BRINP1: variants seen among roughly 807,000 people sequenced by gnomAD.
BRINP1 encodes the protein BMP/retinoic acid inducible neural specific 1.
A neutral mutation model predicts 72.9 loss-of-function variants in BRINP1; 17 were observed. That is an observed-to-expected ratio of 0.23 (90% CI 0.16 to 0.35). The LOEUF (loss-of-function observed/expected upper bound fraction) is 0.35, where lower values mean the gene tolerates loss of function less well. Among genes scored for constraint, BRINP1 ranks in the 10% least tolerant of loss-of-function variants. The pLI is 1.00. For synonymous variants in BRINP1, 418 were observed against 378.5 expected (o/e 1.10, Z -1.21); for missense variants, 850 against 1,001.6 (o/e 0.85, Z 2.04).
intron 2 of BRINP1, among the ~76,000 whole-genome samples, chr9:119,250,019 A>G (rs1353782198): frequency 2.5e-5 from 3 of 121,042 alleles, no homozygotes; most frequent in African/African-American, 9.4e-5. Context: ...AAAGGGAGGG[A>G]GGGAAGGAGG....
chr9:119,207,711 G>C (rs1190491391), intron 7 of BRINP1, among the ~76,000 whole-genome samples: 1 of 152,192 alleles, frequency 6.6e-6, no homozygotes, highest in Non-Finnish European at 1.5e-5. Flanking sequence ...TTGTACAACA[G>C]GGTAACAATC....
intron 7 of BRINP1, among the ~76,000 whole-genome samples, chr9:119,204,978 A>C (rs2118866951): frequency 6.6e-6 from 1 of 152,270 alleles, no homozygotes; most frequent in African/African-American, 2.4e-5. Context: ...TGCTCAGCAC[A>C]CTCATCTTCC....
At chr9:119,236,065 T>G (rs1830189342) in intron 5 of BRINP1, among the ~76,000 whole-genome samples, 1 of 152,210 alleles carries the variant, frequency 6.6e-6, no homozygotes, top group Non-Finnish European at 1.5e-5. Context: ...TTATTAATAT[T>G]AATGGGATTG....
intron 5 of BRINP1, among the ~76,000 whole-genome samples, chr9:119,219,463 C>G (rs1830015772): frequency 6.6e-6 from 1 of 151,936 alleles, no homozygotes; most frequent in Non-Finnish European, 1.5e-5. Context: ...TGTTTTCCTT[C>G]TTTCCTCATT....
chr9:119,258,393 G>A (rs891683890), intron 2 of BRINP1, among the ~76,000 whole-genome samples: 5 of 152,170 alleles, frequency 3.3e-5, no homozygotes, highest in East Asian at 1.9e-4. Flanking sequence ...CACTGTTATC[G>A]AGGGCAGGGG....
chr9:119,198,114 C>A (rs536879141), intron 7 of BRINP1, among the ~76,000 whole-genome samples: 1 of 152,186 alleles, frequency 6.6e-6, no homozygotes, highest in Non-Finnish European at 1.5e-5. Flanking sequence ...TATACCACTA[C>A]CCTCAAAAAA....
chr9:119,286,528 C>T (rs1830762447), intron 2 of BRINP1, among the ~76,000 whole-genome samples: 1 of 152,224 alleles, frequency 6.6e-6, no homozygotes, highest in Non-Finnish European at 1.5e-5. Context: ...GCCACTGCGC[C>T]CGGCCATCGC....
At chr9:119,315,289 G>A (rs1187714980) in intron 1 of BRINP1, among the ~76,000 whole-genome samples, 1 of 151,786 alleles carries the variant, frequency 6.6e-6, no homozygotes, top group Non-Finnish European at 1.5e-5. Context: ...CTCACTTTGT[G>A]TCTTGGTGTC....
chr9:119,228,571 G>T (rs931833024), intron 5 of BRINP1, among the ~76,000 whole-genome samples: 1 of 151,992 alleles, frequency 6.6e-6, no homozygotes, highest in Non-Finnish European at 1.5e-5. Flanking sequence ...TCCTGTGTAT[G>T]TGCATGTGTG....
chr9:119,301,883 A>C (rs1830942965), intron 2 of BRINP1, among the ~76,000 whole-genome samples: 1 of 152,164 alleles, frequency 6.6e-6, no homozygotes, highest in South Asian at 2.1e-4. Flanking sequence ...TTCCTCTCTC[A>C]CCTGGATGAC....
chr9:119,313,426 A>AG, intron 1 of BRINP1, 21 bp from the exon 2 acceptor site: 1 of 1,520,536 alleles, frequency 6.6e-7, no homozygotes, highest in Non-Finnish European at 8.8e-7. Flanking sequence ...AAGAATAAAA[A>AG]AGAGAGAGAA....
intron 7 of BRINP1, among the ~76,000 whole-genome samples, chr9:119,177,493 C>A (rs1829502092): frequency 6.6e-6 from 1 of 152,192 alleles, no homozygotes; most frequent in South Asian, 2.1e-4. Context: ...ATGCCCCTTT[C>A]ACATGGCCCA....
chr9:119,315,957 TAAAG>T (rs1831120137), intron 1 of BRINP1, among the ~76,000 whole-genome samples: 1 of 152,176 alleles, frequency 6.6e-6, no homozygotes, highest in African/African-American at 2.4e-5. Context: ...TCCTGAGGTT[TAAAG>T]AAAGAAGCCA....
In BRINP1 at chr9:119,283,064, G is replaced by A. The variant is rs1199177980; in HGVS notation, c.218+30074C>T. Reference sequence around the variant, plus strand: ...GACTTGACCAAGGATACAGAGTTACGGAGAGGTAGAAAGAGGACCAGACTA... The same window carrying A: ...GACTTGACCAAGGATACAGAGTTACAGAGAGGTAGAAAGAGGACCAGACTA... On this transcript the variant is annotated intron_variant, in intron 2 of 7. Transcript: ENST00000265922. 6.1e-6 allele frequency: 6 copies of A among 985,280 alleles called. No individual in the cohort carries two copies. The African/African-American group carries it at 7.0e-5, about 11-fold the overall frequency. 61.0% of individuals were successfully genotyped at this position (985,280 alleles called of 1,614,324 possible). A position where few individuals can be genotyped will look rare whatever the true frequency, so the allele number is the denominator to read the frequency against.
chr9:119,324,865 C>G (rs936759737), intron 1 of BRINP1, among the ~76,000 whole-genome samples: 2 of 152,078 alleles, frequency 1.3e-5, no homozygotes, highest in African/African-American at 4.8e-5. Context: ...TTTGGGAGAC[C>G]GAGGTGGGCA....
At chr9:119,336,719 C>T (rs1334439460) in intron 1 of BRINP1, among the ~76,000 whole-genome samples, 2 of 152,096 alleles carry the variant, frequency 1.3e-5, no homozygotes, top group Non-Finnish European at 2.9e-5. Flanking sequence ...TGTAAAGGCA[C>T]ACACGTACCC....
intron 1 of BRINP1, among the ~76,000 whole-genome samples, chr9:119,337,849 G>A (rs1831362917): frequency 6.6e-6 from 1 of 152,320 alleles, no homozygotes. Flanking sequence ...GGGAATATAA[G>A]TGTCTTTTGT....
chr9:119,266,954 G>T (rs1420386904), intron 2 of BRINP1, among the ~76,000 whole-genome samples: 1 of 152,228 alleles, frequency 6.6e-6, no homozygotes, highest in Non-Finnish European at 1.5e-5. Context: ...CACTCCGGCT[G>T]CTGTGTAGAG....
Position 119,317,032 on chromosome 9 carries a change from C to T in BRINP1, c.-50-3627G>A, listed in dbSNP as rs147095024. On this transcript the variant is annotated intron_variant, in intron 1 of 7. Transcript: ENST00000265922. Reference sequence around the variant, plus strand: ...CTTGAACCCGGGAGGCGGAGGTCGCCGGGAACCAAGATCGCACCACTGCAC... The same window carrying T: ...CTTGAACCCGGGAGGCGGAGGTCGCTGGGAACCAAGATCGCACCACTGCAC... 2.5e-3 allele frequency among the ~76,000 whole-genome samples: 385 copies of T among 151,518 alleles called. 7 individuals carry two copies. Among genetic ancestry groups the T allele is most frequent in the African/African-American group, 6.8e-3 (281 of 41,026 alleles).
Sources: allele counts gnomAD v4.1 joint callset (sites outside exome capture counted in the v4.1 genomes callset), GRCh38; gene constraint gnomAD v4.1.1; transcripts MANE v1.5; gene names NCBI Gene and HGNC (gene_info 2026-07-23, HGNC 2026-07-21).